CCDC107: variants seen among roughly 807,000 people sequenced by gnomAD.
CCDC107 encodes coiled-coil domain-containing protein 107.
CCDC107 carries 17 observed loss-of-function variants against 17.9 expected under a neutral mutation model. The observed-to-expected ratio is 0.95, with a 90% CI of 0.65 to 1.42. CCDC107 has a LOEUF of 1.42. Ranked by LOEUF, CCDC107 falls within the 40% of genes most tolerant of loss-of-function variation. The pLI is 0.00. For synonymous variants in CCDC107, 170 were observed against 157.2 expected (o/e 1.08, Z -0.61); for missense variants, 388 against 360.1 (o/e 1.08, Z -0.63).
In CCDC107 at chr9:35,658,442, G is replaced by A; in HGVS notation, c.63G>A (p.Gly21=). The part of the protein sequence containing the change: ...VGLLLVSALS[G]VLGDRANPDL... Reference sequence around the variant, plus strand: ...TGCTGCTTGTGTCTGCGCTGTCCGGGGTCCTAGGAGACCGCGCCAATCCCG... The same window carrying A: ...TGCTGCTTGTGTCTGCGCTGTCCGGAGTCCTAGGAGACCGCGCCAATCCCG... The change falls in exon 1 of 5, where the codon GGG becomes GGA. Residue 21 remains glycine (G), a synonymous_variant. Coordinates refer to ENST00000426546, the MANE Select transcript of CCDC107 (RefSeq NM_174923.3). The A allele has an allele frequency of 1.4e-6, 2 of 1,467,594 alleles. No homozygotes were observed. The highest frequency in any genetic ancestry group is 1.8e-6 in the Non-Finnish European group (2 of 1,109,082). The allele number at this position is 1,467,594 out of a possible 1,614,324, so 90.9% of individuals were successfully genotyped here.
Position 35,658,680 on chromosome 9 carries a change from C to G in CCDC107, c.211C>G (p.Leu71Val). ...TRAGSLPLGALYTAAVAAFVL... is the reference protein window; with the variant it reads ...TRAGSLPLGAVYTAAVAAFVL... Reference sequence around the variant, plus strand: ...GGCCGGGTCGCTGCCTCTGGGGGCGCTGTACACCGCGGCCGTCGCGGCTTT... The same window carrying G: ...GGCCGGGTCGCTGCCTCTGGGGGCGGTGTACACCGCGGCCGTCGCGGCTTT... Residue 71 changes from leucine (L) to valine (V), a missense_variant, in exon 2 of 5, where the codon CTG becomes GTG. Physicochemically the swap from Leu to Val is conservative, Grantham distance 32. Coordinates refer to ENST00000426546, the MANE Select transcript of CCDC107 (RefSeq NM_174923.3). 6.4e-7 allele frequency: 1 copy of G among 1,569,322 alleles called. No homozygotes were observed. The highest frequency in any genetic ancestry group is 8.6e-7 in the Non-Finnish European group (1 of 1,164,082).
chr9:35,658,455 C>T lies in CCDC107; in HGVS notation c.76C>T (p.Arg26Cys), dbSNP rs768610798. 82 of 1,472,760 alleles carry T rather than the reference C, an allele frequency of 5.6e-5. No individual in the cohort carries two copies. Among genetic ancestry groups the T allele is most frequent in the Admixed American group, 1.9e-4 (8 of 42,794 alleles). 91.2% of individuals were successfully genotyped at this position (1,472,760 alleles called of 1,614,324 possible). Reference sequence around the variant, plus strand: ...TGCGCTGTCCGGGGTCCTAGGAGACCGCGCCAATCCCGACCTCCGGGCACA... The same window carrying T: ...TGCGCTGTCCGGGGTCCTAGGAGACTGCGCCAATCCCGACCTCCGGGCACA... The part of the protein sequence containing the change: ...VSALSGVLGD[R>C]ANPDLRAHPG... The change falls in exon 1 of 5, where the codon CGC becomes TGC. Residue 26 changes from arginine to cysteine, a missense_variant. Arg to Cys is a radical substitution (Grantham distance 180). Transcript: ENST00000426546.
In CCDC107 at chr9:35,660,449, C is replaced by T. The variant is rs779956527; in HGVS notation, c.307C>T (p.Pro103Ser). 6.2e-7 allele frequency: 1 copy of T among 1,612,838 alleles called. No homozygotes were observed. The highest frequency in any genetic ancestry group is 8.5e-7 in the Non-Finnish European group (1 of 1,179,470). ...VLHEEASKQQ[P>S]LQSEQQLAQL... ...CCACGAGGAGGCAAGCAAGCAGCAG[C>T]CACTGCAGTCAGGTGGGTTTAGCAG... The change falls in exon 3 of 5, where the codon CCA becomes TCA. Residue 103 changes from proline (P) to serine (S), a missense_variant. Pro to Ser is a moderately conservative substitution (Grantham distance 74). Transcript: ENST00000426546.
chr9:35,658,328 T>C lies in CCDC107; in HGVS notation c.-52T>C, dbSNP rs1050428184. The C allele has an allele frequency of 3.6e-5, 47 of 1,309,370 alleles. No homozygotes were observed. The highest frequency in any genetic ancestry group is 3.7e-5 in the Non-Finnish European group (38 of 1,029,306). The allele number at this position is 1,309,370 out of a possible 1,614,324, so 81.1% of individuals were successfully genotyped here. ...CGTGCGCGTTGGGGCGGCCGGCCAA[T>C]GCCGGACCGCTTCGGCACCGCCCGC... On this transcript the variant is annotated 5_prime_UTR_variant, in exon 1 of 5. The change abolishes an upstream ATG in the 5' untranslated region. Coordinates refer to ENST00000426546, the MANE Select transcript of CCDC107 (RefSeq NM_174923.3).
At position 35,661,285 on chromosome 9, in the gene CCDC107, T is replaced by A; in HGVS notation, c.*98T>A. On this transcript the variant is annotated 3_prime_UTR_variant, in exon 5 of 5. Coordinates refer to ENST00000426546, the MANE Select transcript of CCDC107 (RefSeq NM_174923.3). ...GGCCTTCTTGAAGAGCTGTCCTTAT[T>A]AGGACAAAAAGAGGCTGCCTTCCAG... 1 of 832,030 alleles carries A rather than the reference T, an allele frequency of 1.2e-6. No individual in the cohort carries two copies. The highest frequency in any genetic ancestry group is 1.9e-6 in the Non-Finnish European group (1 of 533,450). 51.5% of individuals were successfully genotyped at this position (832,030 alleles called of 1,614,324 possible). A position where few individuals can be genotyped will look rare whatever the true frequency, so the allele number is the denominator to read the frequency against.
Position 35,658,429 on chromosome 9 carries a change from C to T in CCDC107, c.50C>T (p.Ser17Phe), listed in dbSNP as rs1451083691. 3 of 1,463,708 alleles carry T rather than the reference C, an allele frequency of 2.0e-6. No individual in the cohort carries two copies. The African/African-American group carries it at 4.4e-5, about 21-fold the overall frequency. 90.7% of individuals were successfully genotyped at this position (1,463,708 alleles called of 1,614,324 possible). The part of the protein sequence containing the change: ...LLGVVGLLLV[S>F]ALSGVLGDRA... ...GGTGTGGTGGGGCTGCTGCTTGTGT[C>T]TGCGCTGTCCGGGGTCCTAGGAGAC... The change falls in exon 1 of 5, where the codon TCT (serine) becomes TTT (phenylalanine). Residue 17 changes from serine to phenylalanine, a missense_variant. By Grantham distance (155) the Ser-to-Phe change is radical. Coordinates refer to ENST00000426546, the MANE Select transcript of CCDC107 (RefSeq NM_174923.3).
At chr9:35,659,425 G>A (rs1211057005) in intron 2 of CCDC107, 2 of 152,226 alleles carry the variant, frequency 1.3e-5, no homozygotes, top group Admixed American at 6.5e-5. Flanking sequence ...TACAGTCTGG[G>A]AGAAACATAA....
In CCDC107 at chr9:35,661,112, G is replaced by A; in HGVS notation, c.777G>A (p.Lys259=). 1 of 1,614,098 alleles carries A rather than the reference G, an allele frequency of 6.2e-7. No individual in the cohort carries two copies. Among genetic ancestry groups the A allele is most frequent in the Non-Finnish European group, 8.5e-7 (1 of 1,179,970 alleles). The change falls in exon 5 of 5, where the codon AAG becomes AAA. Residue 259 remains lysine (K), a synonymous_variant. Transcript: ENST00000426546. ...LRRRCSQAVA[K]GPSHSLGWEG... ...GAAGGTGCAGCCAGGCTGTGGCAAA[G>A]GGCCCCAGTCACAGCCTTGGCTGGG... is the stretch of plus-strand genomic sequence containing the variant.
Position 35,658,439 on chromosome 9 carries a change from CG to C in CCDC107, c.64del (p.Val22SerfsTer2), listed in dbSNP as rs1223545768. 4 of 1,470,390 alleles carry C rather than the reference CG, an allele frequency of 2.7e-6. No homozygotes were observed. The highest frequency in any genetic ancestry group is 1.5e-5 in the African/African-American group (1 of 68,386). 91.1% of individuals were successfully genotyped at this position (1,470,390 alleles called of 1,614,324 possible). ...GGCTGCTGCTTGTGTCTGCGCTGTC[CG>C]GGGTCCTAGGAGACCGCGCCAATCC... ...VGLLLVSALSGVLGDRANPDL... is the reference protein window; with the variant it reads ...VGLLLVSALSXVLGDRANPDL... On this transcript the variant is annotated frameshift_variant, in exon 1 of 5. Coordinates refer to ENST00000426546, the MANE Select transcript of CCDC107 (RefSeq NM_174923.3). LOFTEE classifies it high-confidence loss of function.
intron 2 of CCDC107, 25 bp from the exon 3 acceptor site, chr9:35,660,376 C>A: frequency 2.5e-6 from 4 of 1,570,030 alleles, no homozygotes; most frequent in Non-Finnish European, 3.5e-6. Context: ...TGCTTCAGTA[C>A]TGCCCTTTCC....
Position 35,658,689 on chromosome 9 carries a change from G to C in CCDC107, c.220G>C (p.Ala74Pro), listed in dbSNP as rs745962544. Reference sequence around the variant, plus strand: ...GCTGCCTCTGGGGGCGCTGTACACCGCGGCCGTCGCGGCTTTTGTGCTGTA... The same window carrying C: ...GCTGCCTCTGGGGGCGCTGTACACCCCGGCCGTCGCGGCTTTTGTGCTGTA... The part of the protein sequence containing the change: ...GSLPLGALYT[A>P]AVAAFVLYKC... The change falls in exon 2 of 5, where the codon GCG becomes CCG. Residue 74 changes from alanine to proline, a missense_variant. By Grantham distance (27) the Ala-to-Pro change is conservative. Coordinates refer to ENST00000426546, the MANE Select transcript of CCDC107 (RefSeq NM_174923.3). 6.4e-7 allele frequency: 1 copy of C among 1,567,182 alleles called. No individual in the cohort carries two copies. Among genetic ancestry groups the C allele is most frequent in the Non-Finnish European group, 8.6e-7 (1 of 1,162,854 alleles).
chr9:35,658,925 A>G, intron 2 of CCDC107, 198 bp downstream of exon 2: 1 of 445,376 alleles, frequency 2.2e-6, no homozygotes. Flanking sequence ...GAGGTAACGG[A>G]TGTGAAGAGC....
rs1407041058 is a variant in CCDC107, at chr9:35,658,331, C to T, written c.-49C>T. ...GCGCGTTGGGGCGGCCGGCCAATGC[C>T]GGACCGCTTCGGCACCGCCCGCCCG... is the stretch of plus-strand genomic sequence containing the variant. On this transcript the variant is annotated 5_prime_UTR_variant, in exon 1 of 5. Coordinates refer to ENST00000426546, the MANE Select transcript of CCDC107 (RefSeq NM_174923.3). The T allele has an allele frequency of 3.8e-6, 5 of 1,310,088 alleles. No homozygotes were observed. The allele number at this position is 1,310,088 out of a possible 1,614,324, so 81.2% of individuals were successfully genotyped here. A position where few individuals can be genotyped will look rare whatever the true frequency, so the allele number is the denominator to read the frequency against.
rs1261962459 is a variant in CCDC107 at position 35,660,576 on chromosome 9, G to A, written c.339G>A (p.Leu113=). Residue 113 remains leucine, a synonymous_variant, in exon 4 of 5, where the codon TTG becomes TTA. Transcript: ENST00000426546. ...PLQSEQQLAQ[L]TQQLAQTEQH... is the part of the protein sequence containing the mutation. ...CCCCAGAGCAACAGCTGGCCCAGTT[G>A]ACACAACAGCTGGCCCAGACAGAGC... 1.9e-6 allele frequency: 3 copies of A among 1,614,064 alleles called. No homozygotes were observed. The highest frequency in any genetic ancestry group is 2.5e-6 in the Non-Finnish European group (3 of 1,179,992).
In CCDC107 at chr9:35,658,563, C is replaced by T. The variant is rs749936196; in HGVS notation, c.107-13C>T. On this transcript the variant is annotated splice_polypyrimidine_tract_variant and intron_variant, in intron 1 of 4. Coordinates refer to ENST00000426546, the MANE Select transcript of CCDC107 (RefSeq NM_174923.3). The stretch of plus-strand genomic sequence containing the variant: ...CCCAGCTCGGCTGACTCGCCTGTAT[C>T]CTCCCTCCGCAGGGAACGCAGCCCA... 6 of 1,572,346 alleles carry T rather than the reference C, an allele frequency of 3.8e-6. 1 individual carries two copies. Among genetic ancestry groups the T allele is most frequent in the South Asian group, 2.3e-5 (2 of 88,560 alleles).
rs747003370 is a variant in CCDC107 at position 35,661,114 on chromosome 9, GC to G, written c.783del (p.Ser262ValfsTer16). On this transcript the variant is annotated frameshift_variant, in exon 5 of 5. Transcript: ENST00000426546. LOFTEE classifies it low-confidence loss of function (END_TRUNC). ...AGGTGCAGCCAGGCTGTGGCAAAGG[GC>G]CCCAGTCACAGCCTTGGCTGGGAAG... ...RRRCSQAVAK[G>X]PSHSLGWEGG... 2 of 1,614,018 alleles carry G rather than the reference GC, an allele frequency of 1.2e-6. No individual in the cohort carries two copies. Among genetic ancestry groups the G allele is most frequent in the Non-Finnish European group, 1.7e-6 (2 of 1,179,918 alleles).
chr9:35,658,490 C>T lies in CCDC107; in HGVS notation c.106+5C>T, dbSNP rs1408364705. ...CCGACCTCCGGGCACACCCAGGTAC[C>T]AGCTAGGGCTGCTGGAGGAGGGCTG... On this transcript the variant is annotated splice_donor_5th_base_variant and intron_variant, in intron 1 of 4. Transcript: ENST00000426546. 8 of 1,474,444 alleles carry T rather than the reference C, an allele frequency of 5.4e-6. No individual in the cohort carries two copies. Among genetic ancestry groups the T allele is most frequent in the Middle Eastern group, 1.7e-4 (1 of 5,762 alleles). The allele number at this position is 1,474,444 out of a possible 1,614,324, so 91.3% of individuals were successfully genotyped here. A position where few individuals can be genotyped will look rare whatever the true frequency, so the allele number is the denominator to read the frequency against.
In CCDC107 at chr9:35,658,590, C is replaced by T. The variant is rs919326534; in HGVS notation, c.121C>T (p.Pro41Ser). ...LRAHPGNAAH[P>S]GSGATEPRRR... is the part of the protein sequence containing the mutation. ...TCCCTCCGCAGGGAACGCAGCCCAC[C>T]CCGGCTCTGGAGCCACGGAACCCCG... The change falls in exon 2 of 5, where the codon CCC (proline) becomes TCC (serine). Residue 41 changes from proline (P) to serine (S), a missense_variant. Physicochemically the swap from Pro to Ser is moderately conservative, Grantham distance 74 (BLOSUM62 -1). Transcript: ENST00000426546. 3 of 1,582,792 alleles carry T rather than the reference C, an allele frequency of 1.9e-6. No homozygotes were observed. Among genetic ancestry groups the T allele is most frequent in the Admixed American group, 1.7e-5 (1 of 59,142 alleles).
rs199818206 is a variant in CCDC107 at position 35,661,031 on chromosome 9, G to A, written c.696G>A (p.Trp232Ter). Residue 232 changes from tryptophan (W) to a stop codon, truncating the protein, a stop_gained, in exon 5 of 5, where the codon TGG (tryptophan) becomes TGA (stop). Coordinates refer to ENST00000426546, the MANE Select transcript of CCDC107 (RefSeq NM_174923.3). LOFTEE classifies it low-confidence loss of function (END_TRUNC). ...DSQAWEEPTN[W>*]STETWNLATS... ...AGGCCTGGGAGGAGCCCACAAACTG[G>A]AGCACAGAGACATGGAACCTAGCTA... 5 of 1,614,070 alleles carry A rather than the reference G, an allele frequency of 3.1e-6. No individual in the cohort carries two copies. The African/African-American group carries it at 5.3e-5, about 17-fold the overall frequency.
Sources: gnomAD v4.1 joint callset for allele counts on GRCh38, gnomAD v4.1.1 for gene constraint, MANE v1.5 for transcripts, NCBI Gene and HGNC (gene_info 2026-07-23, HGNC 2026-07-21) for gene names.